Variants in ROCK2 observed in about 807,000 individuals in gnomAD.
The protein encoded by ROCK2 is Rho associated coiled-coil containing protein kinase 2, also known as rho-associated protein kinase 2.
In ROCK2, 61 loss-of-function variants were observed where a neutral mutation model predicts 195.1. That is an observed-to-expected ratio of 0.31 (90% CI 0.25 to 0.39). The LOEUF is 0.39. Ranked by LOEUF, ROCK2 falls within the 10% of genes least tolerant of loss-of-function variation. ROCK2 has a pLI of 1.00. For synonymous variants in ROCK2, 504 were observed against 545.5 expected (o/e 0.92, Z 1.06); for missense variants, 1,109 against 1,637.4 (o/e 0.68, Z 5.57).
Position 11,221,205 on chromosome 2 carries a change from C to A in ROCK2, c.1252G>T (p.Glu418Ter). 6.4e-7 allele frequency: 1 copy of A among 1,555,324 alleles called. No individual in the cohort carries two copies. Among genetic ancestry groups the A allele is most frequent in the South Asian group, 1.3e-5 (1 of 77,390 alleles). The part of the protein sequence containing the change: ...LPFIGFTYYR[E>*]NLLLSDSPSC... ...AAATAATAAACCACATACAAATTTT[C>A]TCTATAGTAGGTAAATCCGATGAAA... Residue 418 changes from glutamate to a stop codon, truncating the protein, a stop_gained, in exon 9 of 33, where the codon GAA becomes TAA. Transcript: ENST00000315872. LOFTEE classifies it high-confidence loss of function.
At chr2:11,231,400 G>A (rs1665004960) in intron 5 of ROCK2, among the ~76,000 whole-genome samples, 1 of 152,040 alleles carries the variant, frequency 6.6e-6, no homozygotes, top group Admixed American at 6.5e-5. Context: ...TAGAGATGGG[G>A]TTTCACCATA....
At chr2:11,304,769 C>A (rs1486588416) in intron 1 of ROCK2, among the ~76,000 whole-genome samples, 2 of 152,120 alleles carry the variant, frequency 1.3e-5, no homozygotes, top group East Asian at 3.9e-4. Flanking sequence ...CCACACTGGC[C>A]TTCTAAACGT....
intron 28 of ROCK2, 87 bp from the exon 29 acceptor site, chr2:11,194,431 G>A: frequency 2.2e-6 from 1 of 455,256 alleles, no homozygotes; most frequent in South Asian, 6.6e-5. Flanking sequence ...TTCTATATTA[G>A]CAATAAAAAT....
chr2:11,241,716 A>G (rs986865760), intron 4 of ROCK2, among the ~76,000 whole-genome samples: 18 of 152,226 alleles, frequency 1.2e-4, no homozygotes, highest in Admixed American at 9.2e-4. Context: ...TCCATATGGA[A>G]ACACGTAAAA....
chr2:11,188,875 C>A (rs142876440), intron 32 of ROCK2, among the ~76,000 whole-genome samples: 1 of 151,612 alleles, frequency 6.6e-6, no homozygotes, highest in Non-Finnish European at 1.5e-5. Flanking sequence ...CCACCTGCCT[C>A]GGCCTCCCAA....
intron 6 of ROCK2, among the ~76,000 whole-genome samples, chr2:11,226,471 T>C (rs558199285): frequency 5.3e-5 from 8 of 152,274 alleles, no homozygotes; most frequent in African/African-American, 1.9e-4. Flanking sequence ...AAACAATATA[T>C]ATGCAAGAAG....
At chr2:11,202,150 A>G (rs1468590818) in intron 20 of ROCK2, 29 bp from the exon 21 acceptor site, 1 of 1,570,368 alleles carries the variant, frequency 6.4e-7, no homozygotes, top group African/African-American at 1.3e-5. Context: ...AAAGGTTTAA[A>G]TAACTTACAC....
At chr2:11,278,934 T>C (rs1173781938) in intron 3 of ROCK2, among the ~76,000 whole-genome samples, 2 of 151,874 alleles carry the variant, frequency 1.3e-5, no homozygotes, top group East Asian at 1.9e-4. Context: ...TTTTTAATTT[T>C]CTCAGAAATG....
chr2:11,310,063 A>G (rs1048010538), intron 1 of ROCK2, among the ~76,000 whole-genome samples: 4 of 152,252 alleles, frequency 2.6e-5, no homozygotes, highest in African/African-American at 4.8e-5. Context: ...AACTAATTAT[A>G]AAATTACGTA....
intron 1 of ROCK2, among the ~76,000 whole-genome samples, chr2:11,305,359 G>A (rs1667823070): frequency 1.3e-5 from 2 of 152,138 alleles, no homozygotes; most frequent in South Asian, 2.1e-4. Context: ...CCGGACAACA[G>A]AGCGAGACTC....
chr2:11,251,149 C>T (rs1665816212), intron 3 of ROCK2, among the ~76,000 whole-genome samples: 1 of 152,204 alleles, frequency 6.6e-6, no homozygotes, highest in South Asian at 2.1e-4. Flanking sequence ...TTCTCTGTGT[C>T]ATGTTTTTGC....
rs1665759885 is a variant in ROCK2 at position 11,249,707 on chromosome 2, T to C, written c.416A>G (p.Glu139Gly). 3 of 1,580,534 alleles carry C rather than the reference T, an allele frequency of 1.9e-6. No individual in the cohort carries two copies. Among genetic ancestry groups the C allele is most frequent in the Non-Finnish European group, 2.6e-6 (3 of 1,165,310 alleles). Reference sequence around the variant, plus strand: ...GGCAAAGGCCATAATATCTCTTTCTTCCCAAAAAAAGGCAGAATCTGATCT... The same window carrying C: ...GGCAAAGGCCATAATATCTCTTTCTCCCCAAAAAAAGGCAGAATCTGATCT... ...IKRSDSAFFW[E>G]ERDIMAFANS... Residue 139 changes from glutamate (E) to glycine (G), a missense_variant, in exon 4 of 33, where the codon GAA becomes GGA. Glu to Gly is a moderately conservative substitution (Grantham distance 98). Around this residue, in one of 6 missense-constraint regions of ROCK2, gnomAD observed 253 missense variants for 455.5 expected, o/e 0.56. Transcript: ENST00000315872.
intron 1 of ROCK2, among the ~76,000 whole-genome samples, chr2:11,317,616 T>A (rs868840656): frequency 0.019 from 494 of 26,430 alleles, 5 homozygotes; most frequent in African/African-American, 0.044. Flanking sequence ...ATATATATTT[T>A]TTTTTTTTTT....
intron 13 of ROCK2, 23 bp from the exon 14 acceptor site, chr2:11,215,668 T>C: frequency 6.4e-7 from 1 of 1,563,248 alleles, no homozygotes; most frequent in Middle Eastern, 1.7e-4. Context: ...TTAAAGTTAT[T>C]ATCAAAAAAG....
At chr2:11,317,579 TATA>T (rs1558388078) in intron 1 of ROCK2, among the ~76,000 whole-genome samples, 13 of 12,036 alleles carry the variant, frequency 1.1e-3, no homozygotes, top group African/African-American at 3.7e-3. Flanking sequence ...TACACATTTA[TATA>T]TATATATATA....
intron 32 of ROCK2, among the ~76,000 whole-genome samples, chr2:11,186,669 TTCTC>T (rs1235975360): frequency 6.6e-6 from 1 of 151,992 alleles, no homozygotes; most frequent in Non-Finnish European, 1.5e-5. Flanking sequence ...GGTTCAGACT[TTCTC>T]TCTAGTGTCA....
chr2:11,247,198 A>AG (rs1047372585), intron 4 of ROCK2, among the ~76,000 whole-genome samples: 1 of 151,934 alleles, frequency 6.6e-6, no homozygotes, highest in African/African-American at 2.4e-5. Context: ...TGGCAGGGGC[A>AG]GGGGGGCAGG....
At chr2:11,234,534 TG>T (rs771906531) in intron 5 of ROCK2, 1 of 152,120 alleles carries the variant, frequency 6.6e-6, no homozygotes, top group Admixed American at 6.6e-5. Context: ...GAGGGAGCTT[TG>T]GGTACAATAA....
intron 1 of ROCK2, among the ~76,000 whole-genome samples, chr2:11,295,598 A>G (rs901059746): frequency 6.6e-6 from 1 of 152,166 alleles, no homozygotes; most frequent in Non-Finnish European, 1.5e-5. Context: ...AGTACTTTAA[A>G]TACACTGATG....
Sources: allele counts gnomAD v4.1 joint callset (sites outside exome capture counted in the v4.1 genomes callset), GRCh38; gene constraint gnomAD v4.1.1; regional missense constraint gnomAD v4.1.1; transcripts MANE v1.5; gene names NCBI Gene and HGNC (gene_info 2026-07-23, HGNC 2026-07-21).